The following SGCZ variants were observed in gnomAD, a reference collection of about 807,000 sequenced individuals.
SGCZ encodes sarcoglycan zeta.
Under a neutral mutation model 41.3 loss-of-function variants are expected in SGCZ, and 40 were observed. That is an observed-to-expected ratio of 0.97 (90% CI 0.75 to 1.26). The LOEUF is 1.26. Ranked by LOEUF, SGCZ falls within the 50% of genes most tolerant of loss-of-function variation. The probability of loss-of-function intolerance (pLI) is 0.00; values close to 1 mark genes in which losing one functional copy is unlikely to be tolerated. For synonymous variants in SGCZ, 206 were observed against 137.5 expected (o/e 1.50, Z -3.49); for missense variants, 552 against 369.8 (o/e 1.49, Z -4.04).
At chr8:14,767,333 G>A (rs555590426) in intron 1 of SGCZ, among the ~76,000 whole-genome samples, 1 of 152,292 alleles carries the variant, frequency 6.6e-6, no homozygotes, top group South Asian at 2.1e-4. Flanking sequence ...CTTAGTTGTA[G>A]ACTAAAGTAA....
At chr8:14,329,751 C>G (rs563660445) in intron 2 of SGCZ, among the ~76,000 whole-genome samples, 1 of 152,262 alleles carries the variant, frequency 6.6e-6, no homozygotes, top group Admixed American at 6.5e-5. Context: ...CCAACCCCCT[C>G]CTTTAGAATG....
intron 2 of SGCZ, among the ~76,000 whole-genome samples, chr8:14,406,696 C>T (rs1013128736): frequency 1.4e-5 from 2 of 141,398 alleles, no homozygotes; most frequent in Non-Finnish European, 3.0e-5. Flanking sequence ...AGGGCAATCC[C>T]TGAAAATTAC....
At chr8:14,484,198 C>T (rs989878329) in intron 2 of SGCZ, among the ~76,000 whole-genome samples, 7 of 152,012 alleles carry the variant, frequency 4.6e-5, no homozygotes, top group East Asian at 1.9e-4. Context: ...AACTCAATGA[C>T]GTTTGGATGT....
intron 1 of SGCZ, among the ~76,000 whole-genome samples, chr8:14,829,050 A>G (rs1802436013): frequency 6.6e-6 from 1 of 152,110 alleles, no homozygotes; most frequent in Non-Finnish European, 1.5e-5. Flanking sequence ...TTCAAGGGGT[A>G]CATGTGTCCC....
intron 1 of SGCZ, among the ~76,000 whole-genome samples, chr8:15,230,979 C>A (rs1801921246): frequency 6.6e-6 from 1 of 152,226 alleles, no homozygotes; most frequent in African/African-American, 2.4e-5. Flanking sequence ...AGGGTTTGAA[C>A]AATGTCTCCC....
intron 2 of SGCZ, among the ~76,000 whole-genome samples, chr8:14,486,930 G>A (rs1403789507): frequency 6.6e-6 from 1 of 152,146 alleles, no homozygotes; most frequent in African/African-American, 2.4e-5. Flanking sequence ...CATTGGAACA[G>A]AGTAATAATT....
At chr8:14,366,711 G>C (rs545630780) in intron 2 of SGCZ, among the ~76,000 whole-genome samples, 1 of 152,268 alleles carries the variant, frequency 6.6e-6, no homozygotes, top group African/African-American at 2.4e-5. Flanking sequence ...ATTCCCTGAA[G>C]TGTTAACTCA....
At chr8:14,730,021 G>A (rs894720726) in intron 1 of SGCZ, among the ~76,000 whole-genome samples, 3 of 152,186 alleles carry the variant, frequency 2.0e-5, no homozygotes, top group African/African-American at 7.2e-5. Context: ...GTGGGGCGGA[G>A]ATTGCAGTGA....
intron 2 of SGCZ, among the ~76,000 whole-genome samples, chr8:14,515,391 G>T (rs1390035409): frequency 6.6e-6 from 1 of 151,970 alleles, no homozygotes; most frequent in Non-Finnish European, 1.5e-5. Context: ...ATAGCAGGAG[G>T]GATATCAAGT....
intron 5 of SGCZ, among the ~76,000 whole-genome samples, chr8:14,129,685 C>A (rs555651873): frequency 3.3e-5 from 5 of 151,546 alleles, no homozygotes; most frequent in African/African-American, 1.2e-4. Flanking sequence ...TGTTTCTATA[C>A]GTCATTAAAA....
At chr8:14,608,979 A>G (rs1304231912) in intron 1 of SGCZ, among the ~76,000 whole-genome samples, 1 of 152,216 alleles carries the variant, frequency 6.6e-6, no homozygotes, top group Admixed American at 6.5e-5. Context: ...CAGAATAATT[A>G]ATTCTACCTT....
intron 1 of SGCZ, among the ~76,000 whole-genome samples, chr8:14,921,457 AT>A (rs1799586113): frequency 6.6e-6 from 1 of 152,078 alleles, no homozygotes; most frequent in Admixed American, 6.6e-5. Context: ...GGCATAATAC[AT>A]TTTTATAACA....
At chr8:14,220,617 T>C (rs1806159241) in intron 4 of SGCZ, among the ~76,000 whole-genome samples, 1 of 151,022 alleles carries the variant, frequency 6.6e-6, no homozygotes, top group African/African-American at 2.4e-5. Flanking sequence ...CCGTCTCTAC[T>C]AAAAAAAAAT....
Position 14,226,867 on chromosome 8 carries a change from T to C in SGCZ, c.424+10725A>G, listed in dbSNP as rs190227309. Among the ~76,000 whole-genome samples the C allele has an allele frequency of 2.3e-3, 348 of 152,182 alleles. 1 individual carries two copies. Among genetic ancestry groups the C allele is most frequent in the African/African-American group, 8.1e-3 (338 of 41,546 alleles). The stretch of plus-strand genomic sequence containing the variant: ...GCTTTGTATCCAATCTAACACAGTA[T>C]TGTCTGCATCTTTTATTTTAGTCAC... On this transcript the variant is annotated intron_variant, in intron 4 of 7. Transcript: ENST00000382080.
At chr8:14,273,236 T>TA (rs1219651699) in intron 3 of SGCZ, among the ~76,000 whole-genome samples, 1 of 152,182 alleles carries the variant, frequency 6.6e-6, no homozygotes, top group African/African-American at 2.4e-5. Context: ...TTGCATATGT[T>TA]AGCCTCTTTA....
At chr8:14,586,282 C>T (rs772017953) in intron 1 of SGCZ, among the ~76,000 whole-genome samples, 6 of 152,074 alleles carry the variant, frequency 3.9e-5, no homozygotes, top group Non-Finnish European at 8.8e-5. Context: ...GGCCCGATCT[C>T]TGTTGACTGC....
chr8:14,655,238 T>C (rs1161405551), intron 1 of SGCZ, among the ~76,000 whole-genome samples: 1 of 152,064 alleles, frequency 6.6e-6, no homozygotes, highest in Non-Finnish European at 1.5e-5. Flanking sequence ...TTTTCCACTG[T>C]CGTCTTTACC....
rs943217380 is a variant in SGCZ at position 14,196,264 on chromosome 8, A to T, written c.425-31562T>A. The stretch of plus-strand genomic sequence containing the variant: ...ATAAAATACTAAATTAATTAGAGTA[A>T]TTTTTTTTTTTTTTTAAAGACGGAG... On this transcript the variant is annotated intron_variant, in intron 4 of 7. Coordinates refer to ENST00000382080, the MANE Select transcript of SGCZ (RefSeq NM_139167.4). Among the ~76,000 whole-genome samples, 478 of 148,014 alleles carry T rather than the reference A, an allele frequency of 3.2e-3. 4 individuals are homozygous for T. The highest frequency in any genetic ancestry group is 0.011 in the African/African-American group (454 of 40,300).
chr8:14,417,644 G>GTATTTGA (rs1799530722), intron 2 of SGCZ, among the ~76,000 whole-genome samples: 1 of 151,560 alleles, frequency 6.6e-6, no homozygotes, highest in African/African-American at 2.4e-5. Flanking sequence ...TAAAAATAAC[G>GTATTTGA]ATACAGCATG....
Sources: allele counts gnomAD v4.1 joint callset (sites outside exome capture counted in the v4.1 genomes callset), GRCh38; gene constraint gnomAD v4.1.1; transcripts MANE v1.5; gene names NCBI Gene and HGNC (gene_info 2026-07-23, HGNC 2026-07-21).